The following KLHL14 variants were observed in gnomAD, a reference collection of about 807,000 sequenced individuals.
KLHL14 encodes kelch like family member 14, also known as kelch-like protein 14.
A neutral mutation model predicts 64.3 loss-of-function variants in KLHL14; 22 were observed. The ratio of observed to expected loss-of-function variants is 0.34; its 90% CI spans 0.24 to 0.49. The LOEUF is 0.49. Ranked by LOEUF, KLHL14 falls within the 20% of genes least tolerant of loss-of-function variation. KLHL14 has a pLI of 0.99. For synonymous variants in KLHL14, 322 were observed against 333.4 expected (o/e 0.97, Z 0.37); for missense variants, 661 against 789.0 (o/e 0.84, Z 1.94).
chr18:32,732,737 A>G (rs1285431566), intron 3 of KLHL14, among the ~76,000 whole-genome samples: 2 of 152,198 alleles, frequency 1.3e-5, no homozygotes, highest in Non-Finnish European at 2.9e-5. Flanking sequence ...ACTTACATAA[A>G]CCACTAAGAT....
At chr18:32,713,740 A>C (rs9946664) in intron 3 of KLHL14, among the ~76,000 whole-genome samples, 47,161 of 152,096 alleles carry the variant, frequency 0.31, 7,831 homozygotes, top group African/African-American at 0.42. Flanking sequence ...GATGTTCATT[A>C]ATAGTTTTTA....
intron 3 of KLHL14, among the ~76,000 whole-genome samples, chr18:32,739,705 G>C (rs1023468475): frequency 4.2e-5 from 4 of 95,086 alleles, no homozygotes; most frequent in Non-Finnish European, 1.1e-4. Flanking sequence ...CTAATAAATA[G>C]AGTCAATAGA....
intron 3 of KLHL14, among the ~76,000 whole-genome samples, chr18:32,739,703 T>G (rs1347488125): frequency 6.6e-6 from 1 of 151,696 alleles, no homozygotes; most frequent in African/African-American, 2.4e-5. Context: ...ATCTAATAAA[T>G]AGAGTCAATA....
chr18:32,740,472 C>G (rs1269381361), intron 3 of KLHL14, among the ~76,000 whole-genome samples: 3 of 152,176 alleles, frequency 2.0e-5, no homozygotes, highest in African/African-American at 7.2e-5. Flanking sequence ...TATTATCACT[C>G]TGTCATTTCT....
At chr18:32,722,992 C>T (rs949518905) in intron 3 of KLHL14, among the ~76,000 whole-genome samples, 1 of 152,022 alleles carries the variant, frequency 6.6e-6, no homozygotes, top group South Asian at 2.1e-4. Context: ...ACCTAACAGG[C>T]GTGGTCATTT....
chr18:32,772,297 A>T, intron 1 of KLHL14: 1 of 341,994 alleles, frequency 2.9e-6, no homozygotes, highest in East Asian at 1.2e-4. Context: ...GGTGGACCCT[A>T]CCCTCCCTCG....
intron 3 of KLHL14, among the ~76,000 whole-genome samples, chr18:32,736,527 A>G (rs1371492398): frequency 6.6e-6 from 1 of 152,024 alleles, no homozygotes; most frequent in Non-Finnish European, 1.5e-5. Context: ...TTTTTCAGTA[A>G]CCCTGAAAAC....
In KLHL14 at chr18:32,683,095, C is replaced by G. The variant is rs993475005; in HGVS notation, c.1239-2496G>C. Among the ~76,000 whole-genome samples the G allele has an allele frequency of 4.6e-5, 7 of 152,136 alleles. No homozygotes were observed. The highest frequency in any genetic ancestry group is 1.7e-4 in the African/African-American group (7 of 41,418). On this transcript the variant is annotated intron_variant, in intron 5 of 8. Transcript: ENST00000359358. This position sits in a 1 kb window ranked among gnomAD's most constrained non-coding sequence, Gnocchi z 4.2. ...GAGGAAGATCTCCCTTTGGTGAACT[C>G]ATTTTCTTGTCTAAAATTCAGTTTT... is the stretch of plus-strand genomic sequence containing the variant.
intron 2 of KLHL14, among the ~76,000 whole-genome samples, chr18:32,754,209 G>A (rs2050270552): frequency 6.6e-6 from 1 of 152,142 alleles, no homozygotes; most frequent in Admixed American, 6.5e-5. Flanking sequence ...GGCTAGTGAT[G>A]GACTCGTAAG....
intron 4 of KLHL14, among the ~76,000 whole-genome samples, chr18:32,693,413 C>CACACACACACAG (rs1229737083): frequency 3.8e-4 from 37 of 97,034 alleles, no homozygotes; most frequent in African/African-American, 1.7e-3. Context: ...CACACACACA[C>CACACACACACAG]AGAGAGAGAG....
intron 2 of KLHL14, chr18:32,744,102 CT>C (rs1176549590): frequency 1.3e-5 from 2 of 152,148 alleles, no homozygotes; most frequent in African/African-American, 4.8e-5. Context: ...GAGGAAAGAA[CT>C]CATGGAAGTG....
Position 32,680,444 on chromosome 18 carries a change from G to A in KLHL14, c.1394C>T (p.Ala465Val), listed in dbSNP as rs745650584. ...SSLPQPLAAH[A>V]GAVHNGKIYI... ...TATTTTCCCATTGTGCACTGCTCCC[G>A]CATGAGCCGCCAGAGGCTGTGGCAA... is the stretch of plus-strand genomic sequence containing the variant. The change falls in exon 6 of 9, where the codon GCG becomes GTG. Residue 465 changes from alanine to valine, a missense_variant. Coordinates refer to ENST00000359358, the MANE Select transcript of KLHL14 (RefSeq NM_020805.3). This position sits in a 1 kb window ranked among gnomAD's most constrained non-coding sequence, Gnocchi z 4.8. 4 of 1,613,954 alleles carry A rather than the reference G, an allele frequency of 2.5e-6. No homozygotes were observed. The highest frequency in any genetic ancestry group is 3.4e-6 in the Non-Finnish European group (4 of 1,179,892).
At chr18:32,675,767 C>T (rs2049808390) in intron 8 of KLHL14, among the ~76,000 whole-genome samples, 1 of 152,090 alleles carries the variant, frequency 6.6e-6, no homozygotes, top group Admixed American at 6.6e-5. Flanking sequence ...TAAAAATGCC[C>T]CAATGTCTGC....
intron 4 of KLHL14, among the ~76,000 whole-genome samples, chr18:32,694,867 G>A (rs773822120): frequency 5.9e-5 from 9 of 152,122 alleles, no homozygotes; most frequent in Middle Eastern, 3.2e-3. Flanking sequence ...TCTTGTGTTC[G>A]ATTTGGGACG....
At position 32,683,274 on chromosome 18, in the gene KLHL14, G is replaced by GA. The variant is rs1170243318; in HGVS notation, c.1239-2676dup. On this transcript the variant is annotated intron_variant, in intron 5 of 8. Transcript: ENST00000359358. This position sits in a 1 kb window ranked among gnomAD's most constrained non-coding sequence, Gnocchi z 4.2. ...AGTGTCACTGTTAGGATCTAAATGG[G>GA]AAAAAATCAGCAGATTTCACTTCCT... Among the ~76,000 whole-genome samples the GA allele has an allele frequency of 3.9e-5, 6 of 152,080 alleles. No individual in the cohort carries two copies. Among genetic ancestry groups the GA allele is most frequent in the Admixed American group, 2.6e-4 (4 of 15,268 alleles).
intron 3 of KLHL14, among the ~76,000 whole-genome samples, chr18:32,711,682 C>T (rs77625873): frequency 0.015 from 2,287 of 152,284 alleles, 43 homozygotes; most frequent in African/African-American, 0.046. Flanking sequence ...GTAGCAAGGC[C>T]TAAATCCATT....
At chr18:32,742,180 C>G in intron 2 of KLHL14, 131 bp from the exon 3 acceptor site, 5 of 1,062,684 alleles carry the variant, frequency 4.7e-6, no homozygotes, top group South Asian at 4.5e-5. Flanking sequence ...TGTTTCTTCC[C>G]CCATTCATGT....
At chr18:32,731,625 A>G (rs1179007252) in intron 3 of KLHL14, among the ~76,000 whole-genome samples, 1 of 152,160 alleles carries the variant, frequency 6.6e-6, no homozygotes, top group Non-Finnish European at 1.5e-5. Flanking sequence ...CCAAAGCTAA[A>G]ATAAGAGTTG....
intron 4 of KLHL14, among the ~76,000 whole-genome samples, chr18:32,690,397 G>A (rs12956176): frequency 0.19 from 28,555 of 152,028 alleles, 3,029 homozygotes; most frequent in Non-Finnish European, 0.23. Flanking sequence ...ACTGGCTCCC[G>A]TTAGAAAGAG....
Sources: allele counts gnomAD v4.1 joint callset (sites outside exome capture counted in the v4.1 genomes callset), GRCh38; gene constraint gnomAD v4.1.1; non-coding constraint Gnocchi (gnomAD v3.1); transcripts MANE v1.5; gene names NCBI Gene and HGNC (gene_info 2026-07-23, HGNC 2026-07-21).